Variants in IPO8 observed in about 807,000 individuals in gnomAD.
IPO8 encodes the protein importin 8, also known as importin-8.
In IPO8, 65 loss-of-function variants were observed where a neutral mutation model predicts 141.2. The observed-to-expected ratio is 0.46, with a 90% CI of 0.38 to 0.57. The LOEUF (loss-of-function observed/expected upper bound fraction) is 0.57. IPO8 is among the 20% of genes least tolerant of loss of function. IPO8 has a pLI of 0.00. For synonymous variants in IPO8, 411 were observed against 420.3 expected, an observed-to-expected ratio of 0.98 and a Z score of 0.27; for missense variants, 980 against 1,246.8, an observed-to-expected ratio of 0.79 and a Z score of 3.22.
At chr12:30,660,640 A>T (rs143596381) in intron 16 of IPO8, among the ~76,000 whole-genome samples, 55 of 152,264 alleles carry the variant, frequency 3.6e-4, no homozygotes, top group African/African-American at 1.3e-3. Context: ...TCCCAATAAC[A>T]CTTTGGAATT....
At chr12:30,672,008 AAACAC>A (rs2053058497) in intron 8 of IPO8, among the ~76,000 whole-genome samples, 2 of 152,160 alleles carry the variant, frequency 1.3e-5, no homozygotes, top group African/African-American at 4.8e-5. Flanking sequence ...AGGTATTTGT[AAACAC>A]AACACAACTG....
Position 30,630,536 on chromosome 12 carries a change from T to C in IPO8, c.*324A>G, listed in dbSNP as rs1591946635. The C allele has an allele frequency of 1.1e-5, 3 of 275,910 alleles. No homozygotes were observed. Among genetic ancestry groups the C allele is most frequent in the African/African-American group, 6.6e-5 (3 of 45,576 alleles). The allele number at this position is 275,910 out of a possible 1,614,324, so 17.1% of individuals were successfully genotyped here. A position where few individuals can be genotyped will look rare whatever the true frequency, so the allele number is the denominator to read the frequency against. On this transcript the variant is annotated 3_prime_UTR_variant, in exon 25 of 25. Transcript: ENST00000256079. ...TCCGCATAAATCCATTGATTCTGCATGGCAAAAACCTGAGACGTGCAAGTC... is the reference window on the plus strand; with the variant it reads ...TCCGCATAAATCCATTGATTCTGCACGGCAAAAACCTGAGACGTGCAAGTC...
chr12:30,665,087 C>A, intron 13 of IPO8, 133 bp downstream of exon 13: 1 of 613,456 alleles, frequency 1.6e-6, no homozygotes, highest in Non-Finnish European at 2.9e-6. Context: ...GCTGATGTGA[C>A]CATAGGCAGA....
intron 20 of IPO8, among the ~76,000 whole-genome samples, chr12:30,644,083 G>T (rs2052608078): frequency 6.6e-6 from 1 of 152,194 alleles, no homozygotes; most frequent in Non-Finnish European, 1.5e-5. Context: ...AAAGATACCT[G>T]TTGGGGACAG....
chr12:30,651,711 G>T (rs1465106553), intron 19 of IPO8, among the ~76,000 whole-genome samples: 4 of 152,078 alleles, frequency 2.6e-5, no homozygotes, highest in African/African-American at 9.7e-5. Flanking sequence ...AATCATGTTT[G>T]TGTATAAGGA....
intron 18 of IPO8, 107 bp downstream of exon 18, chr12:30,652,860 A>C (rs2052747224): frequency 9.1e-7 from 1 of 1,098,354 alleles, no homozygotes; most frequent in Admixed American, 2.4e-5. Flanking sequence ...GGAAATAAAA[A>C]CATTTTCTGA....
At chr12:30,676,110 G>A (rs112568523) in intron 6 of IPO8, among the ~76,000 whole-genome samples, 4,961 of 151,550 alleles carry the variant, frequency 0.033, 255 homozygotes, top group African/African-American at 0.11. Context: ...ACATTTTGTA[G>A]AGTCAAGGTC....
rs2052900202 is a variant in IPO8, at chr12:30,662,381, T to C, written c.1701A>G (p.Ile567Met). 3.7e-6 allele frequency: 6 copies of C among 1,613,772 alleles called. No individual in the cohort carries two copies. Among genetic ancestry groups the C allele is most frequent in the Non-Finnish European group, 4.2e-6 (5 of 1,179,878 alleles). The change falls in exon 15 of 25, where the codon ATA (isoleucine) becomes ATG (methionine). Residue 567 changes from isoleucine (I) to methionine (M), a missense_variant. Physicochemically the swap from Ile to Met is conservative, Grantham distance 10 (BLOSUM62 1). This residue lies in a region of IPO8 where 924 missense variants were observed against 1,153.9 expected (regional missense o/e 0.80). Coordinates refer to ENST00000256079, the MANE Select transcript of IPO8 (RefSeq NM_006390.4). Reference sequence around the variant, plus strand: ...AGGCTACCTCTTGACTGTATTCACATATCATCTTCTGGATGACATTAGTAA... The same window carrying C: ...AGGCTACCTCTTGACTGTATTCACACATCATCTTCTGGATGACATTAGTAA... ...DDVTNVIQKM[I>M]CEYSQEVASI...
rs781289943 is a variant in IPO8 at position 30,684,412 on chromosome 12, C to T, written c.212G>A (p.Arg71Gln). The T allele has an allele frequency of 2.2e-5, 35 of 1,614,120 alleles. No homozygotes were observed. The highest frequency in any genetic ancestry group is 2.8e-5 in the Non-Finnish European group (33 of 1,180,006). The part of the protein sequence containing the change: ...KNMVTQYWPD[R>Q]EPPPGEAIFP... ...TATTGCTTCTCCTGGTGGAGGTTCT[C>T]GATCTGGCCAGTATTGTGTCACCAT... is the stretch of plus-strand genomic sequence containing the variant. Residue 71 changes from arginine (R) to glutamine (Q), a missense_variant, in exon 3 of 25, where the codon CGA becomes CAA. Physicochemically the swap from Arg to Gln is conservative, Grantham distance 43 (BLOSUM62 1). Coordinates refer to ENST00000256079, the MANE Select transcript of IPO8 (RefSeq NM_006390.4).
At chr12:30,642,627 G>A (rs962510849) in intron 20 of IPO8, among the ~76,000 whole-genome samples, 3 of 150,500 alleles carry the variant, frequency 2.0e-5, no homozygotes, top group Non-Finnish European at 3.0e-5. Context: ...TTATTAATAC[G>A]ATATATAAAT....
chr12:30,631,079 G>T, intron 24 of IPO8, 122 bp from the exon 25 acceptor site: 1 of 652,352 alleles, frequency 1.5e-6, no homozygotes, highest in Non-Finnish European at 2.6e-6. Context: ...AATGTGACTG[G>T]TAGTATTAGT....
intron 23 of IPO8, among the ~76,000 whole-genome samples, chr12:30,633,676 C>T (rs1220012298): frequency 6.6e-6 from 1 of 152,206 alleles, no homozygotes; most frequent in East Asian, 1.9e-4. Flanking sequence ...CTTACGGCAG[C>T]AATTTCATTC....
intron 17 of IPO8, among the ~76,000 whole-genome samples, chr12:30,655,085 A>G (rs10843802): frequency 0.55 from 82,962 of 151,904 alleles, 23,248 homozygotes; most frequent in African/African-American, 0.67. Flanking sequence ...AAGTGAAATA[A>G]GCCAAAACAG....
At chr12:30,668,961 C>G (rs1249981814) in intron 10 of IPO8, among the ~76,000 whole-genome samples, 1 of 152,092 alleles carries the variant, frequency 6.6e-6, no homozygotes, top group South Asian at 2.1e-4. Flanking sequence ...CTTGAGCACC[C>G]GTAAGAGAGA....
At chr12:30,689,666 C>T (rs570975113) in intron 2 of IPO8, among the ~76,000 whole-genome samples, 2 of 152,262 alleles carry the variant, frequency 1.3e-5, no homozygotes, top group Non-Finnish European at 2.9e-5. Flanking sequence ...TGAAACTGTT[C>T]ATCTATCCTT....
intron 20 of IPO8, among the ~76,000 whole-genome samples, chr12:30,644,653 GTT>G (rs1169009653): frequency 7.8e-6 from 1 of 128,150 alleles, no homozygotes. Context: ...TTTTTTTTTT[GTT>G]TTTTTTTTTT....
At chr12:30,691,155 T>C (rs765057316) in intron 1 of IPO8, among the ~76,000 whole-genome samples, 2 of 152,204 alleles carry the variant, frequency 1.3e-5, no homozygotes, top group African/African-American at 4.8e-5. Flanking sequence ...ATTTTGTTTA[T>C]GGTATTTTTG....
intron 5 of IPO8, among the ~76,000 whole-genome samples, chr12:30,679,484 A>C (rs1381693700): frequency 1.3e-5 from 2 of 152,146 alleles, no homozygotes; most frequent in Non-Finnish European, 2.9e-5. Context: ...ATATTATTTC[A>C]AAACAAGTGA....
chr12:30,666,920 G>A (rs1591836181), intron 10 of IPO8, among the ~76,000 whole-genome samples: 1 of 152,266 alleles, frequency 6.6e-6, no homozygotes, highest in East Asian at 1.9e-4. Flanking sequence ...TGGCTCTGTC[G>A]ATACGTAAGT....
Sources: gnomAD v4.1 joint callset for allele counts (sites outside exome capture counted in the v4.1 genomes callset) on GRCh38, gnomAD v4.1.1 for gene constraint, gnomAD v4.1.1 regional missense constraint, MANE v1.5 for transcripts, NCBI Gene and HGNC (gene_info 2026-07-23, HGNC 2026-07-21) for gene names.